Variants in UGT2A3 observed in about 807,000 individuals in gnomAD.
UGT2A3 encodes the protein UDP glucuronosyltransferase family 2 member A3, also known as UDP-glucuronosyltransferase 2A3.
UGT2A3 carries 55 observed loss-of-function variants against 44.1 expected under a neutral mutation model. That is an observed-to-expected ratio of 1.25 (90% confidence interval 1.00 to 1.56). UGT2A3 has a LOEUF of 1.56. UGT2A3 is among the 40% of genes most tolerant of loss of function. The pLI is 0.00. For missense variants in UGT2A3, 733 were observed against 621.6 expected (o/e 1.18, Z -1.91); for synonymous variants, 243 against 215.1 (o/e 1.13, Z -1.13).
At chr4:68,930,150 A>C in intron 5 of UGT2A3, 58 bp from the exon 6 acceptor site, 1 of 1,526,692 alleles carries the variant, frequency 6.6e-7, no homozygotes, top group Non-Finnish European at 8.9e-7. Context: ...TTCATAAAAG[A>C]CAGGTAGATA....
chr4:68,950,267 G>T (rs1718532149), intron 1 of UGT2A3, among the ~76,000 whole-genome samples: 1 of 151,854 alleles, frequency 6.6e-6, no homozygotes, highest in Non-Finnish European at 1.5e-5. Context: ...TTTGAACTGG[G>T]ATCCTCTGAA....
In UGT2A3 at chr4:68,951,079, G is replaced by A; in HGVS notation, c.682C>T (p.His228Tyr). Reference sequence around the variant, plus strand: ...TTACTATAAAACTCTTCCCAAAAATGATAGTCGTAATCCTGAATCCAGAAG... The same window carrying A: ...TTACTATAAAACTCTTCCCAAAAATAATAGTCGTAATCCTGAATCCAGAAG... ...FHFWIQDYDY[H>Y]FWEEFYSKAL... is the part of the protein sequence containing the mutation. Residue 228 changes from histidine (H) to tyrosine (Y), a missense_variant, in exon 1 of 6, where the codon CAT becomes TAT. By Grantham distance (83) the His-to-Tyr change is moderately conservative. Transcript: ENST00000251566. 1 of 1,596,164 alleles carries A rather than the reference G, an allele frequency of 6.3e-7. No homozygotes were observed. The highest frequency in any genetic ancestry group is 8.5e-7 in the Non-Finnish European group (1 of 1,173,722).
At position 68,930,773 on chromosome 4, in the gene UGT2A3, G is replaced by C. The variant is rs1184568201; in HGVS notation, c.1085-8C>G. The C allele has an allele frequency of 6.4e-7, 1 of 1,561,740 alleles. No individual in the cohort carries two copies. Among genetic ancestry groups the C allele is most frequent in the African/African-American group, 1.4e-5 (1 of 72,528 alleles). On this transcript the variant is annotated splice_polypyrimidine_tract_variant and splice_region_variant and intron_variant, in intron 4 of 5. Transcript: ENST00000251566. ...CTTTGGTTTTGGGATGACCTAGTAT[G>C]TAAATTGGATGAGAAATGGTGAGAT...
chr4:68,932,529 C>A, intron 3 of UGT2A3, 99 bp downstream of exon 3: 1 of 1,415,048 alleles, frequency 7.1e-7, no homozygotes, highest in East Asian at 2.3e-5. Flanking sequence ...AATTTTGGTA[C>A]CTGTTATGCT....
rs1341011274 is a variant in UGT2A3, at chr4:68,932,678, C to T, written c.946G>A (p.Glu316Lys). The T allele has an allele frequency of 1.9e-6, 3 of 1,611,908 alleles. No homozygotes were observed. The highest frequency in any genetic ancestry group is 1.7e-5 in the Admixed American group (1 of 59,898). The part of the protein sequence containing the change: ...SLGSLFQNVT[E>K]EKANIIASAL... The stretch of plus-strand genomic sequence containing the variant: ...GAAGCAATGATATTAGCCTTTTCTT[C>T]TGTAACATTTTGAAACAGTGACCCC... The change falls in exon 3 of 6, where the codon GAA (glutamate) becomes AAA (lysine). Residue 316 changes from glutamate (E) to lysine (K), a missense_variant. Transcript: ENST00000251566.
At chr4:68,949,950 C>T (rs1387534005) in intron 1 of UGT2A3, among the ~76,000 whole-genome samples, 3 of 151,822 alleles carry the variant, frequency 2.0e-5, no homozygotes, top group Non-Finnish European at 4.4e-5. Context: ...GGCCAGAACC[C>T]ACTTTTGTTT....
rs557532319 is a variant in UGT2A3 at position 68,933,914 on chromosome 4, A to G, written c.865-1155T>C. On this transcript the variant is annotated intron_variant, in intron 2 of 5. Coordinates refer to ENST00000251566, the MANE Select transcript of UGT2A3 (RefSeq NM_024743.4). ...ACTACAAGCTCTCCTCAGAACAGAA[A>G]GAATCCTCAGGGCAGTGATTCAGCT... Among the ~76,000 whole-genome samples the G allele has an allele frequency of 1.0e-3, 159 of 152,150 alleles. 6 individuals are homozygous for G. The South Asian group carries it at 0.032, about 31-fold the overall frequency.
intron 1 of UGT2A3, among the ~76,000 whole-genome samples, chr4:68,946,026 G>A (rs907784135): frequency 2.6e-5 from 4 of 151,568 alleles, no homozygotes; most frequent in African/African-American, 7.3e-5. Context: ...TTTATTAGGA[G>A]AAATTCCTTT....
In UGT2A3 at chr4:68,951,694, A is replaced by G; in HGVS notation, c.67T>C (p.Cys23Arg). 6.2e-7 allele frequency: 1 copy of G among 1,611,454 alleles called. No individual in the cohort carries two copies. Among genetic ancestry groups the G allele is most frequent in the Non-Finnish European group, 8.5e-7 (1 of 1,179,086 alleles). ...LQLFCVGCGF[C>R]GKVLVWPCDM... ...CAGGGCCACACCAGGACTTTCCCACAGAATCCACAGCCAACACAGAAGAGC... is the reference window on the plus strand; with the variant it reads ...CAGGGCCACACCAGGACTTTCCCACGGAATCCACAGCCAACACAGAAGAGC... The change falls in exon 1 of 6, where the codon TGT (cysteine) becomes CGT (arginine). Residue 23 changes from cysteine to arginine, a missense_variant. Cys to Arg is a radical substitution (Grantham distance 180). Coordinates refer to ENST00000251566, the MANE Select transcript of UGT2A3 (RefSeq NM_024743.4).
intron 1 of UGT2A3, among the ~76,000 whole-genome samples, chr4:68,948,439 CT>C (rs60082800): frequency 0.015 from 1,599 of 110,060 alleles, 20 homozygotes; most frequent in African/African-American, 0.057. Flanking sequence ...TCTTTTTTTT[CT>C]TTTTTTTTTT....
rs60549305 is a variant in UGT2A3 at position 68,932,844 on chromosome 4, CTT to C, written c.865-87_865-86del. 0.016 allele frequency: 21,304 copies of C among 1,344,324 alleles called. 1,319 individuals are homozygous for C. In the African/African-American group the frequency reaches 0.18, roughly 11 times the overall value. 83.3% of individuals were successfully genotyped at this position (1,344,324 alleles called of 1,614,324 possible). On this transcript the variant is annotated intron_variant, in intron 2 of 5. Transcript: ENST00000251566. The stretch of plus-strand genomic sequence containing the variant: ...GTTACTTACACTTCTAAAATAAATA[CTT>C]GAGAAATTATTAATGTGTAGTTATA...
intron 2 of UGT2A3, among the ~76,000 whole-genome samples, chr4:68,943,901 T>C (rs1334875710): frequency 1.3e-5 from 2 of 151,718 alleles, no homozygotes; most frequent in Admixed American, 6.6e-5. Context: ...AACCTACCAA[T>C]TACAGTTCCC....
Position 68,945,391 on chromosome 4 carries a change from CA to C in UGT2A3, c.778del (p.Trp260GlyfsTer86). 1 of 1,611,344 alleles carries C rather than the reference CA, an allele frequency of 6.2e-7. No homozygotes were observed. The highest frequency in any genetic ancestry group is 1.3e-5 in the African/African-American group (1 of 74,846). ...KAEIWLIRTYWDFEFPQPYQP... is the reference protein window; with the variant it reads ...KAEIWLIRTYXDFEFPQPYQP... Reference sequence around the variant, plus strand: ...GTATGGTTGAGGAAATTCAAAATCCCAATATGTTCGTATTAGCCATATCTCA... The same window carrying C: ...GTATGGTTGAGGAAATTCAAAATCCCATATGTTCGTATTAGCCATATCTCA... On this transcript the variant is annotated frameshift_variant, in exon 2 of 6. Coordinates refer to ENST00000251566, the MANE Select transcript of UGT2A3 (RefSeq NM_024743.4). LOFTEE classifies it high-confidence loss of function.
chr4:68,937,847 C>A (rs927129322), intron 2 of UGT2A3, among the ~76,000 whole-genome samples: 1 of 151,932 alleles, frequency 6.6e-6, no homozygotes, highest in Non-Finnish European at 1.5e-5. Context: ...AGAGAAAAAT[C>A]AAATAGACAC....
At chr4:68,938,358 A>G (rs1047202727) in intron 2 of UGT2A3, among the ~76,000 whole-genome samples, 1 of 152,126 alleles carries the variant, frequency 6.6e-6, no homozygotes, top group Non-Finnish European at 1.5e-5. Context: ...CTTTTCCACC[A>G]TGATCAAGTT....
At chr4:68,949,195 G>T (rs768732477) in intron 1 of UGT2A3, among the ~76,000 whole-genome samples, 15 of 151,778 alleles carry the variant, frequency 9.9e-5, no homozygotes, top group Non-Finnish European at 1.3e-4. Flanking sequence ...ACAGGATTTT[G>T]TAGGGTCAAG....
intron 3 of UGT2A3, among the ~76,000 whole-genome samples, chr4:68,931,787 C>T (rs183055433): frequency 1.3e-5 from 2 of 151,930 alleles, no homozygotes; most frequent in Admixed American, 1.3e-4. Context: ...TTCCACTGTT[C>T]AATGATAAAT....
chr4:68,945,211 T>G, intron 2 of UGT2A3, 95 bp downstream of exon 2: 1 of 1,453,352 alleles, frequency 6.9e-7, no homozygotes, highest in South Asian at 1.2e-5. Context: ...CAGAAGACAT[T>G]CAACATCATC....
intron 2 of UGT2A3, among the ~76,000 whole-genome samples, chr4:68,943,742 TACAC>T (rs937209458): frequency 2.7e-4 from 41 of 151,902 alleles, no homozygotes; most frequent in African/African-American, 9.4e-4. Context: ...GATTTTTACT[TACAC>T]ACTGCCTCCT....
Sources: allele counts gnomAD v4.1 joint callset (sites outside exome capture counted in the v4.1 genomes callset), GRCh38; gene constraint gnomAD v4.1.1; transcripts MANE v1.5; gene names NCBI Gene and HGNC (gene_info 2026-07-23, HGNC 2026-07-21).